Variants in HERC1 observed in about 807,000 individuals in gnomAD.
HERC1 encodes the protein HECT and RLD domain containing E3 ubiquitin protein ligase family member 1.
HERC1 carries 160 observed loss-of-function variants against 554.3 expected under a neutral mutation model. The observed-to-expected ratio is 0.29, with a 90% CI of 0.25 to 0.33. The LOEUF (loss-of-function observed/expected upper bound fraction) is 0.33, where lower values mean the gene tolerates loss of function less well. HERC1 is among the 10% of genes least tolerant of loss of function. The probability of loss-of-function intolerance (pLI) is 1.00; values close to 1 mark genes in which losing one functional copy is unlikely to be tolerated. For synonymous variants in HERC1, 2,175 were observed against 2,131.7 expected (o/e 1.02, Z -0.56); for missense variants, 4,919 against 5,918.5 (o/e 0.83, Z 5.54).
intron 1 of HERC1, among the ~76,000 whole-genome samples, chr15:63,783,961 G>C (rs1389191391): frequency 1.3e-5 from 2 of 151,878 alleles, no homozygotes; most frequent in African/African-American, 4.8e-5. Flanking sequence ...AGCTACTCGG[G>C]AGGCTGAGCC....
chr15:63,640,438 A>C lies in HERC1; in HGVS notation c.11615T>G (p.Val3872Gly). 1 of 1,612,268 alleles carries C rather than the reference A, an allele frequency of 6.2e-7. No homozygotes were observed. The highest frequency in any genetic ancestry group is 1.1e-5 in the South Asian group (1 of 91,028). ...ATGAACAAGTTGGTCACCACAAACC[A>C]CATGAGGCTAAAACAAAATACAAGG... ...QEQYAYEKPH[V>G]VCGDQLVHSP... The change falls in exon 61 of 78, where the codon GTG becomes GGG. Residue 3872 changes from valine (V) to glycine (G), a missense_variant. By Grantham distance (109) the Val-to-Gly change is moderately radical. This residue lies in a region of HERC1 where 1,963 missense variants were observed against 2,228.6 expected (regional missense o/e 0.88). Transcript: ENST00000443617.
chr15:63,827,507 T>C (rs565017063), intron 1 of HERC1, among the ~76,000 whole-genome samples: 12 of 151,412 alleles, frequency 7.9e-5, no homozygotes, highest in Non-Finnish European at 1.6e-4. Context: ...GGATATACTA[T>C]TGAGTGAAAA....
intron 1 of HERC1, among the ~76,000 whole-genome samples, chr15:63,792,096 T>C (rs944286909): frequency 3.9e-5 from 6 of 152,198 alleles, no homozygotes; most frequent in South Asian, 2.1e-4. Context: ...AATTGACCAA[T>C]ATTCTCCAAC....
chr15:63,753,793 C>A (rs1208121007), intron 7 of HERC1, among the ~76,000 whole-genome samples: 1 of 152,042 alleles, frequency 6.6e-6, no homozygotes, highest in African/African-American at 2.4e-5. Context: ...CAATAAGAAA[C>A]TGGTTTTATA....
At chr15:63,782,729 G>A (rs2076322756) in intron 1 of HERC1, among the ~76,000 whole-genome samples, 1 of 152,216 alleles carries the variant, frequency 6.6e-6, no homozygotes, top group Non-Finnish European at 1.5e-5. Context: ...AATAGAAAAT[G>A]TTCTGGAAAG....
chr15:63,618,480 A>G (rs1378265474), intron 74 of HERC1, among the ~76,000 whole-genome samples: 1 of 150,470 alleles, frequency 6.6e-6, no homozygotes, highest in African/African-American at 2.5e-5. Context: ...TGACTTGGCA[A>G]TGCGGGCTCT....
chr15:63,795,743 GGTCATTTATAATC>G (rs2076792719), intron 1 of HERC1, among the ~76,000 whole-genome samples: 1 of 152,152 alleles, frequency 6.6e-6, no homozygotes, highest in Non-Finnish European at 1.5e-5. Flanking sequence ...AAAGAGACAG[GGTCATTTATAATC>G]TCACGCGTCC....
intron 1 of HERC1, among the ~76,000 whole-genome samples, chr15:63,797,527 A>T (rs1027968828): frequency 1.1e-4 from 17 of 152,148 alleles, no homozygotes; most frequent in African/African-American, 4.1e-4. Context: ...TTCACACTCC[A>T]ATCATTTTTT....
intron 31 of HERC1, among the ~76,000 whole-genome samples, chr15:63,691,509 G>GA (rs1381662662): frequency 1.3e-5 from 2 of 151,628 alleles, no homozygotes; most frequent in East Asian, 3.9e-4. Context: ...ATCCAAGGTA[G>GA]AAAATAGGAT....
At chr15:63,811,294 G>A (rs1470985441) in intron 1 of HERC1, among the ~76,000 whole-genome samples, 1 of 152,206 alleles carries the variant, frequency 6.6e-6, no homozygotes, top group Non-Finnish European at 1.5e-5. Flanking sequence ...GGAGAGGACA[G>A]GGAGGATCAT....
intron 63 of HERC1, 37 bp downstream of exon 63, chr15:63,638,374 C>A: frequency 6.3e-7 from 1 of 1,595,606 alleles, no homozygotes; most frequent in South Asian, 1.1e-5. Flanking sequence ...ATTTTCAGTT[C>A]CCATGTTTCT....
chr15:63,764,325 TA>T, intron 2 of HERC1, 134 bp from the exon 3 acceptor site: 1 of 617,000 alleles, frequency 1.6e-6, no homozygotes, highest in Middle Eastern at 2.9e-4. Context: ...AACCAAATCC[TA>T]ACATTAGGTC....
In HERC1 at chr15:63,608,994, T is replaced by C; in HGVS notation, c.*87A>G. Reference sequence around the variant, plus strand: ...TGTTGGTTTATGTTCTTATAACATCTATGTAGTTACCATAAAAGTATATCA... The same window carrying C: ...TGTTGGTTTATGTTCTTATAACATCCATGTAGTTACCATAAAAGTATATCA... On this transcript the variant is annotated 3_prime_UTR_variant, in exon 78 of 78. Transcript: ENST00000443617. 4.2e-6 allele frequency: 5 copies of C among 1,186,106 alleles called. No individual in the cohort carries two copies. Among genetic ancestry groups the C allele is most frequent in the Non-Finnish European group, 5.9e-6 (5 of 844,704 alleles). The allele number at this position is 1,186,106 out of a possible 1,614,324, so 73.5% of individuals were successfully genotyped here.
At chr15:63,808,991 C>T (rs938820424) in intron 1 of HERC1, among the ~76,000 whole-genome samples, 15 of 152,100 alleles carry the variant, frequency 9.9e-5, no homozygotes, top group Non-Finnish European at 4.4e-5. Flanking sequence ...TTCTTATGGC[C>T]TCCCTAAAAT....
Position 63,689,675 on chromosome 15 carries a change from G to C in HERC1, c.5962C>G (p.Leu1988Val). Residue 1988 changes from leucine (L) to valine (V), a missense_variant, in exon 33 of 78, where the codon CTC (leucine) becomes GTC (valine). Transcript: ENST00000443617. ...GGTGTCTCCCACATACAATCAGAGA[G>C]AAGGGAAAATAAGCGCTCAACAATC... ...AQIVERLFSLLSDCMWETPIA... is the reference protein window; with the variant it reads ...AQIVERLFSLVSDCMWETPIA... 6.3e-7 allele frequency: 1 copy of C among 1,583,500 alleles called. No individual in the cohort carries two copies. The highest frequency in any genetic ancestry group is 8.6e-7 in the Non-Finnish European group (1 of 1,163,128).
chr15:63,800,336 GCT>G lies in HERC1; in HGVS notation c.-26-24689_-26-24688del, dbSNP rs2076940528. 3.9e-5 allele frequency among the ~76,000 whole-genome samples: 6 copies of G among 152,266 alleles called. No homozygotes were observed. In the South Asian group the frequency reaches 1.2e-3, roughly 32 times the overall value. ...AGGCCAAGAACTGACCTCTCCCCTTGCTCTCTCTTCTATAGACGCCTGAGATC... is the reference window on the plus strand; with the variant it reads ...AGGCCAAGAACTGACCTCTCCCCTTGCTCTCTTCTATAGACGCCTGAGATC... On this transcript the variant is annotated intron_variant, in intron 1 of 77. Coordinates refer to ENST00000443617, the MANE Select transcript of HERC1 (RefSeq NM_003922.4).
chr15:63,804,503 T>C (rs2077077784), intron 1 of HERC1, among the ~76,000 whole-genome samples: 1 of 151,910 alleles, frequency 6.6e-6, no homozygotes, highest in South Asian at 2.1e-4. Context: ...GGAGAATCAC[T>C]TGAACCCAGG....
rs1457772143 is a variant in HERC1 at position 63,674,478 on chromosome 15, C to T, written c.7710G>A (p.Met2570Ile). 1 of 1,613,782 alleles carries T rather than the reference C, an allele frequency of 6.2e-7. No homozygotes were observed. Among genetic ancestry groups the T allele is most frequent in the Non-Finnish European group, 8.5e-7 (1 of 1,179,862 alleles). Residue 2570 changes from methionine (M) to isoleucine (I), a missense_variant, in exon 38 of 78, where the codon ATG becomes ATA. By Grantham distance (10) the Met-to-Ile change is conservative. Transcript: ENST00000443617. ...RAALQFLMRH[M>I]VKRAVMRSPI... ...GTGACCGCATGACTGCTCGCTTCAC[C>T]ATGTGTCGCATCAAGAACTGCAGGG...
At chr15:63,779,517 T>TA (rs1425544397) in intron 1 of HERC1, 1 of 152,186 alleles carries the variant, frequency 6.6e-6, no homozygotes, top group African/African-American at 2.4e-5. Context: ...ATACCACTCT[T>TA]AGTACAAGAT....
Sources: allele counts gnomAD v4.1 joint callset (sites outside exome capture counted in the v4.1 genomes callset), GRCh38; gene constraint gnomAD v4.1.1; regional missense constraint gnomAD v4.1.1; transcripts MANE v1.5; gene names NCBI Gene and HGNC (gene_info 2026-07-23, HGNC 2026-07-21).